SCYL3: variants seen among roughly 807,000 people sequenced by gnomAD.
The protein encoded by SCYL3 is protein-associating with the carboxyl-terminal domain of ezrin.
In SCYL3, 35 loss-of-function variants were observed where a neutral mutation model predicts 73.8. That is an observed-to-expected ratio of 0.47 (90% CI 0.36 to 0.63). The LOEUF is 0.63. Ranked by LOEUF, SCYL3 falls within the 20% of genes least tolerant of loss-of-function variation. SCYL3 has a pLI of 0.00. For synonymous variants in SCYL3, 277 were observed against 295.2 expected, an observed-to-expected ratio of 0.94 and a Z score of 0.63; for missense variants, 712 against 798.9, an observed-to-expected ratio of 0.89 and a Z score of 1.31.
At chr1:169,870,187 CA>C in intron 6 of SCYL3, 67 bp downstream of exon 6, 1 of 1,212,136 alleles carries the variant, frequency 8.2e-7, no homozygotes, top group Non-Finnish European at 1.2e-6. Flanking sequence ...CTTTGAATTC[CA>C]CACAGAATAC....
intron 11 of SCYL3, among the ~76,000 whole-genome samples, chr1:169,856,182 G>C (rs144699684): frequency 6.6e-6 from 1 of 152,312 alleles, no homozygotes; most frequent in East Asian, 1.9e-4. Context: ...ACTCCATGTG[G>C]TGATGGATCA....
chr1:169,875,026 A>G (rs1380603329), intron 4 of SCYL3, among the ~76,000 whole-genome samples: 3 of 152,244 alleles, frequency 2.0e-5, no homozygotes, highest in Non-Finnish European at 4.4e-5. Context: ...AATTTGGAAT[A>G]AACAGCACAG....
Position 169,853,019 on chromosome 1 carries a change from C to T in SCYL3, c.*694G>A. 6.3e-7 allele frequency: 1 copy of T among 1,580,376 alleles called. No homozygotes were observed. The highest frequency in any genetic ancestry group is 1.8e-5 in the Admixed American group (1 of 56,738). ...TCACTAGGCAGAACTGGGTTTGATG[C>T]TTTGTCAACTGAAAATACTTATGTC... On this transcript the variant is annotated 3_prime_UTR_variant, in exon 13 of 13. Transcript: ENST00000367771.
At position 169,851,805 on chromosome 1, in the gene SCYL3, G is replaced by C. The variant is rs1312323259; in HGVS notation, c.*1908C>G. ...TGTTGCTATTTGCTTGGTTTTTCAT[G>C]GTCCCTGGCAGACTGGGTTTGTAGA... On this transcript the variant is annotated 3_prime_UTR_variant, in exon 13 of 13. Coordinates refer to ENST00000367771, the MANE Select transcript of SCYL3 (RefSeq NM_020423.7). 1.2e-6 allele frequency: 2 copies of C among 1,610,600 alleles called. No homozygotes were observed. The highest frequency in any genetic ancestry group is 2.2e-5 in the South Asian group (2 of 90,590).
intron 2 of SCYL3, among the ~76,000 whole-genome samples, chr1:169,883,238 C>T (rs1661430221): frequency 6.6e-6 from 1 of 152,172 alleles, no homozygotes; most frequent in Non-Finnish European, 1.5e-5. Flanking sequence ...CCCACCAATT[C>T]CGGACACAAT....
intron 2 of SCYL3, among the ~76,000 whole-genome samples, chr1:169,885,802 G>A (rs892197438): frequency 6.6e-6 from 1 of 152,168 alleles, no homozygotes; most frequent in Non-Finnish European, 1.5e-5. Flanking sequence ...AATTAGTTTA[G>A]AATGGCAGGT....
chr1:169,887,242 G>T (rs1201348313), intron 2 of SCYL3, among the ~76,000 whole-genome samples: 1 of 152,128 alleles, frequency 6.6e-6, no homozygotes, highest in Non-Finnish European at 1.5e-5. Flanking sequence ...GCTTAAAAGG[G>T]TATCTATGAA....
At chr1:169,853,806 GAAACA>G in intron 12 of SCYL3, 34 bp from the exon 13 acceptor site, 3 of 1,595,160 alleles carry the variant, frequency 1.9e-6, no homozygotes, top group Non-Finnish European at 2.6e-6. Context: ...AGAACCCACT[GAAACA>G]AATCATATGC....
intron 1 of SCYL3, among the ~76,000 whole-genome samples, chr1:169,892,631 T>G (rs1400883342): frequency 6.6e-6 from 1 of 152,148 alleles, no homozygotes; most frequent in Non-Finnish European, 1.5e-5. Flanking sequence ...GCATCTCCAC[T>G]CTATAATAAA....
At chr1:169,855,588 T>A (rs1409964657) in intron 11 of SCYL3, among the ~76,000 whole-genome samples, 1 of 152,130 alleles carries the variant, frequency 6.6e-6, no homozygotes, top group East Asian at 1.9e-4. Context: ...AAAAAAGAAT[T>A]CAAGTAATGT....
chr1:169,853,619 T>C lies in SCYL3; in HGVS notation c.*94A>G, dbSNP rs540746326. On this transcript the variant is annotated 3_prime_UTR_variant, in exon 13 of 13. Transcript: ENST00000367771. The stretch of plus-strand genomic sequence containing the variant: ...CCTGGGATGGGAAAAGCAGGCCACT[T>C]TGGGGTTTTCTTGTCCCAAAGCCTG... 2.2e-6 allele frequency: 3 copies of C among 1,337,620 alleles called. No homozygotes were observed. The East Asian group carries it at 6.9e-5, about 31-fold the overall frequency. The allele number at this position is 1,337,620 out of a possible 1,614,324, so 82.9% of individuals were successfully genotyped here. A position where few individuals can be genotyped will look rare whatever the true frequency, so the allele number is the denominator to read the frequency against.
At chr1:169,879,612 CAA>C (rs1026923792) in intron 2 of SCYL3, among the ~76,000 whole-genome samples, 7 of 152,122 alleles carry the variant, frequency 4.6e-5, no homozygotes, top group African/African-American at 1.7e-4. Flanking sequence ...TATAACAGAG[CAA>C]AGAGTTATGT....
chr1:169,878,193 T>C (rs1264214733), intron 3 of SCYL3, among the ~76,000 whole-genome samples: 1 of 152,224 alleles, frequency 6.6e-6, no homozygotes, highest in Non-Finnish European at 1.5e-5. Context: ...AAAGGATATG[T>C]ATGTATTCTG....
In SCYL3 at chr1:169,878,689, T is replaced by G; in HGVS notation, c.296A>C (p.Glu99Ala). ...TATGTCATAGATCCCAGCACAGACC[T>G]CTGCAGAAGACAATGTTTCCAAAGC... ...EVALETLSSA[E>A]VCAGIYDILL... Residue 99 changes from glutamate to alanine, a missense_variant, in exon 3 of 13, where the codon GAG becomes GCG. Transcript: ENST00000367771. 1 of 1,614,110 alleles carries G rather than the reference T, an allele frequency of 6.2e-7. No individual in the cohort carries two copies. The highest frequency in any genetic ancestry group is 8.5e-7 in the Non-Finnish European group (1 of 1,179,958).
intron 1 of SCYL3, among the ~76,000 whole-genome samples, chr1:169,890,095 A>G (rs1661971430): frequency 6.6e-6 from 1 of 152,220 alleles, no homozygotes; most frequent in South Asian, 2.1e-4. Flanking sequence ...CTGTGCGTGC[A>G]TGGGACCTAC....
Position 169,850,272 on chromosome 1 carries a change from A to G in SCYL3, c.*3441T>C. ...TCATCAATTTTTTAATAGGGAACAA[A>G]TCATGAAGAGATAGTTCCACAGTGT... On this transcript the variant is annotated 3_prime_UTR_variant, in exon 13 of 13. Transcript: ENST00000367771. 1 of 1,607,492 alleles carries G rather than the reference A, an allele frequency of 6.2e-7. No individual in the cohort carries two copies. Among genetic ancestry groups the G allele is most frequent in the Non-Finnish European group, 8.5e-7 (1 of 1,174,818 alleles).
chr1:169,855,041 G>A (rs1381816758), intron 11 of SCYL3, 77 bp from the exon 12 acceptor site: 7 of 1,053,044 alleles, frequency 6.6e-6, no homozygotes, highest in Non-Finnish European at 8.2e-6. Context: ...TAGCATTAAG[G>A]AAGTGTAGTA....
chr1:169,875,951 A>C, intron 4 of SCYL3, 27 bp downstream of exon 4: 1 of 1,483,732 alleles, frequency 6.7e-7, no homozygotes, highest in South Asian at 1.2e-5. Context: ...AAACCAAGTA[A>C]GGAAGGGGGG....
chr1:169,884,179 C>A (rs555825775), intron 2 of SCYL3, among the ~76,000 whole-genome samples: 136 of 152,260 alleles, frequency 8.9e-4, no homozygotes, highest in Middle Eastern at 3.4e-3. Context: ...ATTTCTTTAA[C>A]TAGCAATTAC....
Sources: gnomAD v4.1 joint callset for allele counts (sites outside exome capture counted in the v4.1 genomes callset) on GRCh38, gnomAD v4.1.1 for gene constraint, MANE v1.5 for transcripts, NCBI Gene and HGNC (gene_info 2026-07-23, HGNC 2026-07-21) for gene names.